The following ESRRG variants were observed in gnomAD, a reference collection of about 807,000 sequenced individuals.
ESRRG encodes the protein estrogen-related receptor gamma.
A neutral mutation model predicts 44.0 loss-of-function variants in ESRRG; 13 were observed. The ratio of observed to expected loss-of-function variants is 0.30; its 90% CI spans 0.19 to 0.47. ESRRG has a LOEUF of 0.47. Ranked by LOEUF, ESRRG falls within the 20% of genes least tolerant of loss-of-function variation. ESRRG has a pLI of 1.00. For missense variants in ESRRG, 395 were observed against 580.6 expected (o/e 0.68, Z 3.29); for synonymous variants, 215 against 214.6 (o/e 1.00, Z -0.02).
intron 1 of ESRRG, among the ~76,000 whole-genome samples, chr1:217,046,422 T>C (rs939073979): frequency 6.6e-6 from 1 of 152,164 alleles, no homozygotes; most frequent in African/African-American, 2.4e-5. Flanking sequence ...CTAAAACCCT[T>C]TGATGGCTTT....
At chr1:216,718,628 T>C (rs1387785066) in intron 1 of ESRRG, among the ~76,000 whole-genome samples, 1 of 151,870 alleles carries the variant, frequency 6.6e-6, no homozygotes, top group Non-Finnish European at 1.5e-5. Flanking sequence ...ATTCATTCTA[T>C]CTGTTGTGCT....
At chr1:216,513,468 G>T (rs2809292) in intron 6 of ESRRG, among the ~76,000 whole-genome samples, 142,093 of 152,236 alleles carry the variant, frequency 0.93, 66,483 homozygotes, top group African/African-American at 0.98. Context: ...AACTTTCCAT[G>T]TCAGAGCTCT....
intron 1 of ESRRG, among the ~76,000 whole-genome samples, chr1:217,055,758 T>C (rs942983273): frequency 2.6e-5 from 4 of 151,840 alleles, no homozygotes; most frequent in African/African-American, 9.7e-5. Flanking sequence ...CACCAGAGTC[T>C]CCTTTTCAGA....
At chr1:216,881,694 C>T (rs917756667) in intron 2 of ESRRG, among the ~76,000 whole-genome samples, 1 of 152,048 alleles carries the variant, frequency 6.6e-6, no homozygotes, top group African/African-American at 2.4e-5. Flanking sequence ...GAAAAGAATA[C>T]CTGACCCTAA....
intron 1 of ESRRG, among the ~76,000 whole-genome samples, chr1:217,044,582 G>C (rs1442755423): frequency 1.3e-5 from 2 of 152,090 alleles, no homozygotes. Flanking sequence ...TTACCAGTGA[G>C]ACTAAAGGGC....
intron 2 of ESRRG, among the ~76,000 whole-genome samples, chr1:216,814,682 C>T (rs557869905): frequency 6.6e-6 from 1 of 152,284 alleles, no homozygotes; most frequent in South Asian, 2.1e-4. Flanking sequence ...AGGCAAAATA[C>T]TCCAGCACAC....
At chr1:216,994,472 C>CAT (rs2076115619) in intron 1 of ESRRG, among the ~76,000 whole-genome samples, 1 of 152,204 alleles carries the variant, frequency 6.6e-6, no homozygotes, top group Non-Finnish European at 1.5e-5. Flanking sequence ...TAAACACACA[C>CAT]ACACACACAC....
chr1:216,548,176 A>G (rs1036217091), intron 5 of ESRRG, among the ~76,000 whole-genome samples: 3 of 152,092 alleles, frequency 2.0e-5, no homozygotes, highest in Non-Finnish European at 4.4e-5. Flanking sequence ...TGCTTTTGTA[A>G]ACTTTGGCTC....
intron 1 of ESRRG, among the ~76,000 whole-genome samples, chr1:217,099,438 C>G (rs966764536): frequency 6.6e-6 from 1 of 151,274 alleles, no homozygotes; most frequent in African/African-American, 2.4e-5. Flanking sequence ...TTTTAATTTT[C>G]TATGTAATTA....
At position 216,680,033 on chromosome 1, in the gene ESRRG, A is replaced by G. The variant is rs186825757; in HGVS notation, c.57-2542T>C. ...CCAGAAAGGTCCTTAAAACAGAAGC[A>G]CTGTCTTCTCCTAAACAAGGTCTGG... On this transcript the variant is annotated intron_variant, in intron 1 of 6. Transcript: ENST00000408911. Among the ~76,000 whole-genome samples the G allele has an allele frequency of 1.4e-3, 206 of 152,328 alleles. 1 individual carries two copies. Among genetic ancestry groups the G allele is most frequent in the African/African-American group, 4.7e-3 (197 of 41,580 alleles).
At chr1:216,835,265 T>A (rs2095546515) in intron 2 of ESRRG, among the ~76,000 whole-genome samples, 1 of 152,092 alleles carries the variant, frequency 6.6e-6, no homozygotes. Context: ...GCCCCCAGAA[T>A]CATAGCAGAT....
chr1:216,995,555 A>G (rs569504259), intron 1 of ESRRG, among the ~76,000 whole-genome samples: 1 of 152,098 alleles, frequency 6.6e-6, no homozygotes, highest in South Asian at 2.1e-4. Context: ...CCGCTTCCCT[A>G]GTTACTGTTA....
At position 216,880,614 on chromosome 1, in the gene ESRRG, T is replaced by A. The variant is rs559697758; in HGVS notation, c.-14+58968A>T. ...AATGTTTCATTTGACTTTAATCAGG[T>A]AAATGTTCCTAACATATTAGTATTT... On this transcript the variant is annotated intron_variant, in intron 2 of 7. Transcript: ENST00000359162. Among the ~76,000 whole-genome samples the A allele has an allele frequency of 2.5e-4, 38 of 152,268 alleles. No individual in the cohort carries two copies. The South Asian group carries it at 6.4e-3, about 26-fold the overall frequency.
chr1:216,698,239 G>A (rs972084576), intron 1 of ESRRG, among the ~76,000 whole-genome samples: 7 of 151,888 alleles, frequency 4.6e-5, no homozygotes, highest in Admixed American at 3.3e-4. Context: ...AAGTTTTGGC[G>A]GGGCGCGGTG....
chr1:216,885,521 T>C (rs1008726804), intron 2 of ESRRG, among the ~76,000 whole-genome samples: 4 of 151,862 alleles, frequency 2.6e-5, no homozygotes, highest in African/African-American at 9.7e-5. Context: ...TAGATTTTGC[T>C]TGGGAAAAGT....
At chr1:217,136,473 C>G (rs536012790) in intron 1 of ESRRG, among the ~76,000 whole-genome samples, 17 of 152,294 alleles carry the variant, frequency 1.1e-4, no homozygotes, top group Non-Finnish European at 2.2e-4. Flanking sequence ...GTCACGTCAT[C>G]GCTTGCTTGG....
In ESRRG at chr1:216,506,965, A is replaced by G; in HGVS notation, c.1351T>C (p.Leu451=). Residue 451 remains leucine (L), a synonymous_variant, in exon 7 of 7, where the codon TTG becomes CTG. Transcript: ENST00000408911. The part of the protein sequence containing the change: ...EGKVPMHKLF[L]EMLEAKV ...CAGACCTTGGCCTCCAACATTTCCA[A>G]AAAAAGTTTGTGCATTGGGACTTTG... 1 of 1,614,130 alleles carries G rather than the reference A, an allele frequency of 6.2e-7. No homozygotes were observed. Among genetic ancestry groups the G allele is most frequent in the Non-Finnish European group, 8.5e-7 (1 of 1,179,990 alleles).
intron 2 of ESRRG, among the ~76,000 whole-genome samples, chr1:216,883,044 C>T (rs1205267375): frequency 6.6e-6 from 1 of 151,942 alleles, no homozygotes; most frequent in Non-Finnish European, 1.5e-5. Flanking sequence ...AATGGCAGAC[C>T]CAGAGGCATG....
At chr1:216,599,140 A>T (rs2058842686) in intron 3 of ESRRG, among the ~76,000 whole-genome samples, 1 of 152,100 alleles carries the variant, frequency 6.6e-6, no homozygotes, top group Non-Finnish European at 1.5e-5. Context: ...TTAGATATTC[A>T]TAGGGGGTTC....
Sources: allele counts gnomAD v4.1 joint callset (sites outside exome capture counted in the v4.1 genomes callset), GRCh38; gene constraint gnomAD v4.1.1; transcripts MANE v1.5; gene names NCBI Gene and HGNC (gene_info 2026-07-23, HGNC 2026-07-21).